The following MTIF2 variants were observed in gnomAD, a reference collection of about 807,000 sequenced individuals.
MTIF2 encodes translation initiation factor IF-2, mitochondrial.
A neutral mutation model predicts 83.5 loss-of-function variants in MTIF2; 71 were observed. The ratio of observed to expected loss-of-function variants is 0.85; its 90% CI spans 0.70 to 1.04. The LOEUF (loss-of-function observed/expected upper bound fraction) is 1.04. Ranked by LOEUF, MTIF2 falls within the 50% of genes least tolerant of loss-of-function variation. MTIF2 has a pLI of 0.00. For missense variants in MTIF2, 957 were observed against 846.5 expected, an observed-to-expected ratio of 1.13 and a Z score of -1.62; for synonymous variants, 319 against 287.1, an observed-to-expected ratio of 1.11 and a Z score of -1.12.
chr2:55,256,814 C>T (rs1023093569), intron 5 of MTIF2, among the ~76,000 whole-genome samples: 1 of 152,174 alleles, frequency 6.6e-6, no homozygotes, highest in African/African-American at 2.4e-5. Flanking sequence ...CTCAAGCAAT[C>T]CTCCTGCCTC....
At chr2:55,240,995 G>A (rs1676261176) in intron 13 of MTIF2, among the ~76,000 whole-genome samples, 1 of 150,390 alleles carries the variant, frequency 6.6e-6, no homozygotes, top group African/African-American at 2.5e-5. Context: ...TAAAGGTCAA[G>A]AGTTATTTTT....
At chr2:55,266,387 G>C (rs1414127370) in intron 3 of MTIF2, 1 of 151,782 alleles carries the variant, frequency 6.6e-6, no homozygotes, top group African/African-American at 2.4e-5. Flanking sequence ...TTACCTGGGC[G>C]TGGTGGCACA....
rs774636536 is a variant in MTIF2 at position 55,254,197 on chromosome 2, G to A, written c.508C>T (p.Gln170Ter). ...GGGGTTAATAAAGCTGGATCTGCCTGGGGCCTACAATTAACAGCAAAAGAG... is the reference window on the plus strand; with the variant it reads ...GGGGTTAATAAAGCTGGATCTGCCTAGGGCCTACAATTAACAGCAAAAGAG... ...RKNKDAVRRPQADPALLTPRS... is the reference protein window; with the variant it reads ...RKNKDAVRRP The change falls in exon 7 of 16, where the codon CAG becomes TAG. Residue 170 changes from glutamine (Q) to a stop codon, truncating the protein, a stop_gained. Coordinates refer to ENST00000263629, the MANE Select transcript of MTIF2 (RefSeq NM_002453.3). LOFTEE classifies it high-confidence loss of function. 6.2e-7 allele frequency: 1 copy of A among 1,611,722 alleles called. No homozygotes were observed. Among genetic ancestry groups the A allele is most frequent in the South Asian group, 1.1e-5 (1 of 90,502 alleles).
At chr2:55,265,063 T>C (rs1312338923) in intron 3 of MTIF2, among the ~76,000 whole-genome samples, 2 of 151,864 alleles carry the variant, frequency 1.3e-5, no homozygotes, top group Admixed American at 1.3e-4. Context: ...GCCAACGTCG[T>C]GAAACCCTGT....
intron 5 of MTIF2, among the ~76,000 whole-genome samples, chr2:55,256,622 A>G (rs760045322): frequency 2.0e-5 from 3 of 151,516 alleles, no homozygotes; most frequent in Non-Finnish European, 4.4e-5. Flanking sequence ...AATTGCTTGA[A>G]TCCGGGAGAC....
chr2:55,252,422 T>A, intron 8 of MTIF2, 55 bp downstream of exon 8: 2 of 1,493,602 alleles, frequency 1.3e-6, no homozygotes, highest in Non-Finnish European at 1.8e-6. Context: ...TATATGTAAA[T>A]GGCCCCAGAA....
rs1476127852 is a variant in MTIF2 at position 55,246,419 on chromosome 2, C to T, written c.1024G>A (p.Ala342Thr). The T allele has an allele frequency of 6.2e-7, 1 of 1,613,870 alleles. No homozygotes were observed. The highest frequency in any genetic ancestry group is 1.7e-5 in the Admixed American group (1 of 60,016). Reference sequence around the variant, plus strand: ...TCTGCTTTCAATTCTAACATTTCTGCAAGAGCAACTGTTGCTTCTGCCAAA... The same window carrying T: ...TCTGCTTTCAATTCTAACATTTCTGTAAGAGCAACTGTTGCTTCTGCCAAA... ...MALAEATVALAEMLELKADPN... is the reference protein window; with the variant it reads ...MALAEATVALTEMLELKADPN... The change falls in exon 10 of 16, where the codon GCA (alanine) becomes ACA (threonine). Residue 342 changes from alanine (A) to threonine (T), a missense_variant. This residue lies in a region of MTIF2 where 733 missense variants were observed against 648.7 expected (regional missense o/e 1.13). Coordinates refer to ENST00000263629, the MANE Select transcript of MTIF2 (RefSeq NM_002453.3).
At position 55,242,988 on chromosome 2, in the gene MTIF2, C is replaced by G. The variant is rs992708634; in HGVS notation, c.1657G>C (p.Val553Leu). The G allele has an allele frequency of 1.2e-6, 2 of 1,612,582 alleles. No homozygotes were observed. The highest frequency in any genetic ancestry group is 1.7e-6 in the Non-Finnish European group (2 of 1,179,346). Residue 553 changes from valine (V) to leucine (L), a missense_variant, in exon 13 of 16, where the codon GTG becomes CTG. Physicochemically the swap from Val to Leu is conservative, Grantham distance 32 (BLOSUM62 1). This residue lies in a region of MTIF2 where 733 missense variants were observed against 648.7 expected (regional missense o/e 1.13). Transcript: ENST00000263629. Reference sequence around the variant, plus strand: ...ACATCATTTGCACTTACATCACCCACTCCAAAATGTACTAATTCTAGTTCA... The same window carrying G: ...ACATCATTTGCACTTACATCACCCAGTCCAAAATGTACTAATTCTAGTTCA... The part of the protein sequence containing the change: ...ECELELVHFG[V>L]GDVSANDVNL...
At chr2:55,237,175 A>G in intron 15 of MTIF2, 113 bp downstream of exon 15, 1 of 1,216,290 alleles carries the variant, frequency 8.2e-7, no homozygotes, top group Non-Finnish European at 1.1e-6. Context: ...GCAATAAGAA[A>G]TGGCCTGAGC....
Position 55,236,838 on chromosome 2 carries a change from A to C in MTIF2, c.2012-18T>G. On this transcript the variant is annotated intron_variant, in intron 15 of 15. Transcript: ENST00000263629. ...TAATGAGCCTTAAAAAAGATAATTT[A>C]AGGTTAGTATATTCAATAAATGATA... 6.4e-7 allele frequency: 1 copy of C among 1,550,756 alleles called. No homozygotes were observed. Among genetic ancestry groups the C allele is most frequent in the Admixed American group, 2.1e-5 (1 of 48,068 alleles).
intron 4 of MTIF2, among the ~76,000 whole-genome samples, chr2:55,262,882 C>T (rs541523970): frequency 3.9e-5 from 6 of 152,302 alleles, no homozygotes; most frequent in African/African-American, 1.4e-4. Context: ...GCATGCGCCA[C>T]CATGCCTGGC....
intron 14 of MTIF2, among the ~76,000 whole-genome samples, chr2:55,239,016 A>G (rs776406576): frequency 2.6e-5 from 4 of 152,254 alleles, no homozygotes; most frequent in Non-Finnish European, 4.4e-5. Flanking sequence ...ATTCTACAAA[A>G]TAGCTGTCCA....
chr2:55,263,624 A>T lies in MTIF2; in HGVS notation c.219+16T>A. 7 of 1,563,784 alleles carry T rather than the reference A, an allele frequency of 4.5e-6. No homozygotes were observed. The highest frequency in any genetic ancestry group is 6.1e-6 in the Non-Finnish European group (7 of 1,153,520). On this transcript the variant is annotated intron_variant, in intron 4 of 15. Coordinates refer to ENST00000263629, the MANE Select transcript of MTIF2 (RefSeq NM_002453.3). ...GACTCCATCTCAAAAAAAAAAAAAA[A>T]GAAATCTGTAACTACCTTTTTTGTT...
intron 5 of MTIF2, among the ~76,000 whole-genome samples, chr2:55,258,388 G>A (rs767562397): frequency 6.6e-6 from 1 of 152,164 alleles, no homozygotes; most frequent in Non-Finnish European, 1.5e-5. Flanking sequence ...TTATGAGTTG[G>A]TCAGGCATAG....
In MTIF2 at chr2:55,252,469, C is replaced by T. The variant is rs1214664285; in HGVS notation, c.841+8G>A. Reference sequence around the variant, plus strand: ...TGTAGTAGATCCATTAAGTCAGCCACACAGTACCCTGTGCATCTTTGGCAT... The same window carrying T: ...TGTAGTAGATCCATTAAGTCAGCCATACAGTACCCTGTGCATCTTTGGCAT... On this transcript the variant is annotated splice_region_variant and intron_variant, in intron 8 of 15. Transcript: ENST00000263629. The T allele has an allele frequency of 1.9e-6, 3 of 1,612,776 alleles. No homozygotes were observed. The South Asian group carries it at 3.3e-5, about 18-fold the overall frequency.
At position 55,249,541 on chromosome 2, in the gene MTIF2, G is replaced by C; in HGVS notation, c.842-7C>G. The C allele has an allele frequency of 6.2e-7, 1 of 1,612,358 alleles. No individual in the cohort carries two copies. The highest frequency in any genetic ancestry group is 8.5e-7 in the Non-Finnish European group (1 of 1,179,322). On this transcript the variant is annotated splice_region_variant and splice_polypyrimidine_tract_variant and intron_variant, in intron 8 of 15. Coordinates refer to ENST00000263629, the MANE Select transcript of MTIF2 (RefSeq NM_002453.3). Reference sequence around the variant, plus strand: ...ACGGCAAGGATAATAGGAACTGAAAGAAATGGAGTTAAAAAGAGTGAAAAT... The same window carrying C: ...ACGGCAAGGATAATAGGAACTGAAACAAATGGAGTTAAAAAGAGTGAAAAT...
At position 55,242,883 on chromosome 2, in the gene MTIF2, A is replaced by G. The variant is rs888204394; in HGVS notation, c.1705+57T>C. On this transcript the variant is annotated intron_variant, in intron 13 of 15. Coordinates refer to ENST00000263629, the MANE Select transcript of MTIF2 (RefSeq NM_002453.3). ...AAGCCAAGCAACAAAAGACAGAAGCAGATGGTTCAGTGTTATTTGGGGAAC... is the reference window on the plus strand; with the variant it reads ...AAGCCAAGCAACAAAAGACAGAAGCGGATGGTTCAGTGTTATTTGGGGAAC... The G allele has an allele frequency of 5.9e-6, 9 of 1,532,204 alleles. No individual in the cohort carries two copies. The Admixed American group carries it at 1.2e-4, about 20-fold the overall frequency. 94.9% of individuals were successfully genotyped at this position (1,532,204 alleles called of 1,614,324 possible). A position where few individuals can be genotyped will look rare whatever the true frequency, so the allele number is the denominator to read the frequency against.
intron 4 of MTIF2, 147 bp from the exon 5 acceptor site, chr2:55,262,574 GCT>G (rs1158699142): frequency 2.1e-6 from 1 of 482,236 alleles, no homozygotes; most frequent in Non-Finnish European, 3.4e-6. Context: ...ACAGACTCTT[GCT>G]CTGTCACCCA....
chr2:55,242,000 G>T (rs1359155639), intron 13 of MTIF2, among the ~76,000 whole-genome samples: 4 of 151,858 alleles, frequency 2.6e-5, no homozygotes, highest in South Asian at 4.2e-4. Context: ...TACAAAATTA[G>T]CCAGGCATGG....
Sources: allele counts gnomAD v4.1 joint callset (sites outside exome capture counted in the v4.1 genomes callset), GRCh38; gene constraint gnomAD v4.1.1; regional missense constraint gnomAD v4.1.1; transcripts MANE v1.5; gene names NCBI Gene and HGNC (gene_info 2026-07-23, HGNC 2026-07-21).